Variants in PLSCR2 observed in about 807,000 individuals in gnomAD.
PLSCR2 encodes PL scramblase 2.
Under a neutral mutation model 25.3 loss-of-function variants are expected in PLSCR2, and 18 were observed. The ratio of observed to expected loss-of-function variants is 0.71; its 90% CI spans 0.49 to 1.06. PLSCR2 has a LOEUF of 1.06. Ranked by LOEUF, PLSCR2 falls within the 50% of genes least tolerant of loss-of-function variation. The pLI is 0.00. For synonymous variants in PLSCR2, 88 were observed against 87.3 expected (o/e 1.01, Z -0.04); for missense variants, 243 against 269.5 (o/e 0.90, Z 0.69).
At chr3:146,423,772 C>T (rs2039241198) in intron 2 of PLSCR2, among the ~76,000 whole-genome samples, 1 of 151,974 alleles carries the variant, frequency 6.6e-6, no homozygotes, top group African/African-American at 2.4e-5. Context: ...ACAGTGGAAA[C>T]ATTTGCTGGT....
At chr3:146,434,335 C>A (rs922584755) in intron 8 of PLSCR2, among the ~76,000 whole-genome samples, 2 of 152,032 alleles carry the variant, frequency 1.3e-5, no homozygotes, top group Non-Finnish European at 2.9e-5. Flanking sequence ...TTCCACTTTT[C>A]AAATCACTTC....
upstream of PLSCR2, chr3:146,461,937 AAAT>A: frequency 6.7e-7 from 1 of 1,485,760 alleles, no homozygotes; most frequent in Non-Finnish European, 8.9e-7. Context: ...ACACAGCTAC[AAAT>A]AATATCCTTT....
intron 1 of PLSCR2, among the ~76,000 whole-genome samples, chr3:146,491,695 G>A (rs755230027): frequency 6.6e-6 from 1 of 152,082 alleles, no homozygotes; most frequent in Non-Finnish European, 1.5e-5. Context: ...TTTATTTCCA[G>A]AAGCTATTTT....
intron 4 of PLSCR2, among the ~76,000 whole-genome samples, chr3:146,454,397 T>C (rs565548907): frequency 8.5e-4 from 130 of 152,252 alleles, no homozygotes; most frequent in Non-Finnish European, 1.4e-3. Context: ...TATATAATTA[T>C]ACCTAACCTA....
chr3:146,441,650 A>C (rs1028479568), downstream of PLSCR2: 1 of 594,088 alleles, frequency 1.7e-6, no homozygotes, highest in Non-Finnish European at 3.0e-6. Flanking sequence ...ATCATAGCTT[A>C]ACTCACACAG....
chr3:146,426,750 T>C (rs2039368107), intron 2 of PLSCR2, among the ~76,000 whole-genome samples: 1 of 152,236 alleles, frequency 6.6e-6, no homozygotes, highest in African/African-American at 2.4e-5. Flanking sequence ...CCTGAAATCT[T>C]TGAAAACACT....
At chr3:146,452,629 G>A (rs997653989) in intron 5 of PLSCR2, among the ~76,000 whole-genome samples, 2 of 151,934 alleles carry the variant, frequency 1.3e-5, no homozygotes, top group African/African-American at 4.8e-5. Flanking sequence ...CTTAGAATCT[G>A]GTGTCTGCAG....
At chr3:146,434,787 T>C (rs1009431566) in intron 8 of PLSCR2, among the ~76,000 whole-genome samples, 29 of 152,268 alleles carry the variant, frequency 1.9e-4, no homozygotes, top group African/African-American at 7.0e-4. Context: ...CTTTTATTAT[T>C]ATACTTTAAG....
At chr3:146,453,811 C>A (rs934873583) in intron 5 of PLSCR2, among the ~76,000 whole-genome samples, 191 bp downstream of exon 5, 1 of 152,028 alleles carries the variant, frequency 6.6e-6, no homozygotes, top group African/African-American at 2.4e-5. Flanking sequence ...CTCTTTTATC[C>A]ATTTATCATT....
At chr3:146,467,587 CATTAT>C (rs2041926625) in intron 1 of PLSCR2, among the ~76,000 whole-genome samples, 1 of 151,742 alleles carries the variant, frequency 6.6e-6, no homozygotes, top group Non-Finnish European at 1.5e-5. Context: ...TATTCCAGCA[CATTAT>C]ATTAATTAAA....
chr3:146,460,473 G>T (rs184916585), upstream of PLSCR2, among the ~76,000 whole-genome samples: 185 of 150,018 alleles, frequency 1.2e-3, no homozygotes, highest in African/African-American at 4.4e-3. Flanking sequence ...AAAAATAATG[G>T]CTATGTGTCA....
chr3:146,491,336 G>T (rs1353026192), intron 1 of PLSCR2, among the ~76,000 whole-genome samples: 1 of 151,798 alleles, frequency 6.6e-6, no homozygotes, highest in African/African-American at 2.4e-5. Flanking sequence ...GTGTCTCGGG[G>T]ATGTTTTTCT....
intron 2 of PLSCR2, among the ~76,000 whole-genome samples, chr3:146,409,984 G>C (rs2038792000): frequency 6.6e-6 from 1 of 152,118 alleles, no homozygotes; most frequent in African/African-American, 2.4e-5. Flanking sequence ...AAGATCTCCT[G>C]GGTCAGTTGT....
chr3:146,397,580 C>T (rs1020223176), intron 2 of PLSCR2, among the ~76,000 whole-genome samples: 2 of 152,040 alleles, frequency 1.3e-5, no homozygotes, highest in Non-Finnish European at 2.9e-5. Flanking sequence ...TTGGAGCTTA[C>T]CCAAGAGTGC....
At position 146,487,436 on chromosome 3, in the gene PLSCR2, G is replaced by A. The variant is rs148114744; in HGVS notation, c.-293+8459C>T. Among the ~76,000 whole-genome samples the A allele has an allele frequency of 3.3e-5, 5 of 152,124 alleles. No homozygotes were observed. In the East Asian group the frequency reaches 9.7e-4, roughly 29 times the overall value. ...AAAACCCCATTATCTCAACCCCAAA[G>A]CTTCTTAAGCTGATAAGCAAATTCA... is the stretch of plus-strand genomic sequence containing the variant. On this transcript the variant is annotated intron_variant, in intron 1 of 8. Coordinates refer to the PLSCR2 transcript ENST00000336685.
At chr3:146,449,860 G>T (rs1021205362) in intron 5 of PLSCR2, among the ~76,000 whole-genome samples, 1 of 152,100 alleles carries the variant, frequency 6.6e-6, no homozygotes, top group Non-Finnish European at 1.5e-5. Flanking sequence ...AACATAAAAT[G>T]CTAAGAGCCT....
chr3:146,406,764 G>A (rs1227578808), intron 2 of PLSCR2, among the ~76,000 whole-genome samples: 3 of 152,144 alleles, frequency 2.0e-5, no homozygotes, highest in African/African-American at 7.2e-5. Flanking sequence ...TTGTGAGGAT[G>A]ATGGTGTGAG....
intron 1 of PLSCR2, among the ~76,000 whole-genome samples, chr3:146,474,377 G>T (rs925822403): frequency 6.6e-6 from 1 of 152,136 alleles, no homozygotes; most frequent in Non-Finnish European, 1.5e-5. Flanking sequence ...AGCAGAAGAC[G>T]ATTTCACTTT....
At chr3:146,435,110 T>C (rs1366146876) in intron 8 of PLSCR2, among the ~76,000 whole-genome samples, 1 of 152,186 alleles carries the variant, frequency 6.6e-6, no homozygotes, top group Non-Finnish European at 1.5e-5. Context: ...CTCATCATTT[T>C]TTATGGCTGC....
Sources: allele counts gnomAD v4.1 joint callset (sites outside exome capture counted in the v4.1 genomes callset), GRCh38; gene constraint gnomAD v4.1.1; transcripts MANE v1.5; gene names NCBI Gene and HGNC (gene_info 2026-07-23, HGNC 2026-07-21).